Variants in AMPH observed in about 807,000 individuals in gnomAD.
The protein encoded by AMPH is amphiphysin.
A neutral mutation model predicts 99.1 loss-of-function variants in AMPH; 49 were observed. That is an observed-to-expected ratio of 0.49 (90% CI 0.39 to 0.63). The LOEUF (loss-of-function observed/expected upper bound fraction) is 0.63. AMPH is among the 20% of genes least tolerant of loss of function. The pLI is 0.00. For synonymous variants in AMPH, 314 were observed against 317.3 expected, an observed-to-expected ratio of 0.99 and a Z score of 0.11; for missense variants, 759 against 863.4, an observed-to-expected ratio of 0.88 and a Z score of 1.52.
At chr7:38,550,031 G>A (rs1401562960) in intron 1 of AMPH, among the ~76,000 whole-genome samples, 2 of 152,184 alleles carry the variant, frequency 1.3e-5, no homozygotes, top group East Asian at 3.8e-4. Flanking sequence ...GTTGTTGTCT[G>A]ATCAATACAA....
chr7:38,547,460 A>G (rs1463808231), intron 1 of AMPH, among the ~76,000 whole-genome samples: 1 of 152,188 alleles, frequency 6.6e-6, no homozygotes, highest in Non-Finnish European at 1.5e-5. Flanking sequence ...GAGTATACTA[A>G]TCCCACAACA....
chr7:38,610,253 A>AG lies in AMPH; in HGVS notation c.69+21029_69+21030insC, dbSNP rs765688223. Among the ~76,000 whole-genome samples, 29 of 31,262 alleles carry AG rather than the reference A, an allele frequency of 9.3e-4. 6 individuals are homozygous for AG. Among genetic ancestry groups the AG allele is most frequent in the Non-Finnish European group, 1.1e-3 (17 of 15,952 alleles). The allele number at this position is 31,262 out of a possible 152,430, so 20.5% of individuals were successfully genotyped here. On this transcript the variant is annotated intron_variant, in intron 1 of 20. Transcript: ENST00000356264. ...CTCTCTCAAAAAAAAAAAAAAAAAA[A>AG]AAAAAAAAAAGAAAGAAAGAAAGAA...
At chr7:38,567,054 A>T (rs1791771542) in intron 1 of AMPH, among the ~76,000 whole-genome samples, 1 of 152,220 alleles carries the variant, frequency 6.6e-6, no homozygotes, top group African/African-American at 2.4e-5. Flanking sequence ...TACCCAAAGG[A>T]TTATAAATCA....
At chr7:38,558,092 A>G in intron 1 of AMPH, among the ~76,000 whole-genome samples, 1 of 152,174 alleles carries the variant, frequency 6.6e-6, no homozygotes, top group East Asian at 1.9e-4. Context: ...AGAGGTAAAA[A>G]CCGCAAGACA....
chr7:38,407,048 C>CTCTCTCTATATATATA (rs1241166935), intron 17 of AMPH, among the ~76,000 whole-genome samples: 2 of 31,268 alleles, frequency 6.4e-5, no homozygotes, highest in Admixed American at 4.1e-4. Context: ...CTCTCTCTCT[C>CTCTCTCTATATATATA]TATATATATA....
chr7:38,497,139 C>T (rs369981372), intron 3 of AMPH, among the ~76,000 whole-genome samples: 7 of 152,124 alleles, frequency 4.6e-5, no homozygotes, highest in Admixed American at 3.3e-4. Context: ...TTGATGGATA[C>T]ACAGGTGAAA....
chr7:38,455,362 C>A (rs976673412), intron 11 of AMPH, among the ~76,000 whole-genome samples: 9 of 152,170 alleles, frequency 5.9e-5, no homozygotes, highest in African/African-American at 1.2e-4. Context: ...TGAGCCACTG[C>A]GCCCAGCCTA....
At chr7:38,549,604 T>C in intron 1 of AMPH, among the ~76,000 whole-genome samples, 1 of 152,204 alleles carries the variant, frequency 6.6e-6, no homozygotes, top group Non-Finnish European at 1.5e-5. Context: ...AGACTAAGCA[T>C]AGTAAAACTA....
At chr7:38,509,845 A>T (rs1789472390) in intron 2 of AMPH, among the ~76,000 whole-genome samples, 1 of 152,142 alleles carries the variant, frequency 6.6e-6, no homozygotes, top group Non-Finnish European at 1.5e-5. Flanking sequence ...TCCTCCTGTG[A>T]CTTGCTGTTC....
At chr7:38,537,302 T>C (rs1790648319) in intron 1 of AMPH, among the ~76,000 whole-genome samples, 1 of 152,190 alleles carries the variant, frequency 6.6e-6, no homozygotes, top group Non-Finnish European at 1.5e-5. Flanking sequence ...AGTGCCTACT[T>C]CACAGTGTTG....
chr7:38,587,277 T>C (rs1456144166), intron 1 of AMPH, among the ~76,000 whole-genome samples: 1 of 152,230 alleles, frequency 6.6e-6, no homozygotes. Context: ...TGGGTGCTAA[T>C]GTTTCCTGGG....
In AMPH at chr7:38,569,338, T is replaced by C. The variant is rs186687657; in HGVS notation, c.70-34327A>G. On this transcript the variant is annotated intron_variant, in intron 1 of 20. Coordinates refer to ENST00000356264, the MANE Select transcript of AMPH (RefSeq NM_001635.4). ...ACAATCATAAAAAGTATTTTTTAAA[T>C]TACTATACACATAATTTCTAATGAT... Among the ~76,000 whole-genome samples the C allele has an allele frequency of 1.2e-3, 176 of 152,134 alleles. 1 individual carries two copies. Among genetic ancestry groups the C allele is most frequent in the African/African-American group, 3.7e-3 (155 of 41,540 alleles).
intron 17 of AMPH, among the ~76,000 whole-genome samples, chr7:38,415,400 G>A (rs1388069527): frequency 9.2e-5 from 14 of 152,134 alleles, no homozygotes; most frequent in Non-Finnish European, 7.4e-5. Context: ...GCTGACTGAC[G>A]ACAACCACAG....
chr7:38,544,490 T>G lies in AMPH; in HGVS notation c.70-9479A>C, dbSNP rs910299426. ...GAACAGATCCCAAGATGTCCAGGAA[T>G]TGCCTGGAATTGTGGCTAATATAAT... On this transcript the variant is annotated intron_variant, in intron 1 of 20. Transcript: ENST00000356264. Among the ~76,000 whole-genome samples the G allele has an allele frequency of 2.0e-5, 3 of 152,208 alleles. No individual in the cohort carries two copies. The South Asian group carries it at 6.2e-4, about 31-fold the overall frequency.
chr7:38,446,755 T>C (rs951688231), intron 11 of AMPH, among the ~76,000 whole-genome samples: 1 of 152,190 alleles, frequency 6.6e-6, no homozygotes, highest in Non-Finnish European at 1.5e-5. Context: ...AATATGTGCA[T>C]ATGTAAACAT....
intron 5 of AMPH, among the ~76,000 whole-genome samples, chr7:38,486,545 C>CA (rs919791755): frequency 6.6e-6 from 1 of 151,966 alleles, no homozygotes; most frequent in African/African-American, 2.4e-5. Context: ...CAAGCTCTTC[C>CA]AAAAAGATTG....
intron 11 of AMPH, among the ~76,000 whole-genome samples, chr7:38,441,502 T>G (rs979049031): frequency 6.6e-6 from 1 of 151,924 alleles, no homozygotes; most frequent in Non-Finnish European, 1.5e-5. Context: ...CTAATTCTTT[T>G]TTAAAGGTCC....
intron 1 of AMPH, among the ~76,000 whole-genome samples, chr7:38,550,585 T>G (rs1002170209): frequency 6.6e-6 from 1 of 152,196 alleles, no homozygotes; most frequent in African/African-American, 2.4e-5. Context: ...AAGTGTCATT[T>G]TGTTACATGG....
chr7:38,528,077 G>A (rs577335721), intron 2 of AMPH, among the ~76,000 whole-genome samples: 2 of 152,112 alleles, frequency 1.3e-5, no homozygotes, highest in African/African-American at 2.4e-5. Flanking sequence ...AACCAGCCTC[G>A]CATATCCTGA....
Sources: gnomAD v4.1 joint callset for allele counts (sites outside exome capture counted in the v4.1 genomes callset) on GRCh38, gnomAD v4.1.1 for gene constraint, MANE v1.5 for transcripts, NCBI Gene and HGNC (gene_info 2026-07-23, HGNC 2026-07-21) for gene names.